YIPF1: variants seen among roughly 807,000 people sequenced by gnomAD.
YIPF1 encodes Yip1 domain family member 1.
YIPF1 carries 22 observed loss-of-function variants against 37.0 expected under a neutral mutation model. That is an observed-to-expected ratio of 0.59 (90% CI 0.42 to 0.85). The LOEUF (loss-of-function observed/expected upper bound fraction) is 0.85. Among genes scored for constraint, YIPF1 ranks in the 40% least tolerant of loss-of-function variants. YIPF1 has a pLI of 0.00. For synonymous variants in YIPF1, 128 were observed against 131.9 expected (o/e 0.97, Z 0.21); for missense variants, 355 against 373.1 (o/e 0.95, Z 0.40).
Position 53,866,613 on chromosome 1 carries a change from GCTTAA to G in YIPF1, c.648+140_648+144del. On this transcript the variant is annotated intron_variant, in intron 8 of 10. Coordinates refer to ENST00000072644, the MANE Select transcript of YIPF1 (RefSeq NM_018982.5). ...ACTAGGCTCCCCAGACCCCTTTCAT[GCTTAA>G]CTTCTAACTTCAAAGGAGATTTTTT... The G allele has an allele frequency of 7.9e-6, 9 of 1,144,260 alleles. No individual in the cohort carries two copies. In the South Asian group the frequency reaches 1.2e-4, roughly 15 times the overall value. The allele number at this position is 1,144,260 out of a possible 1,614,324, so 70.9% of individuals were successfully genotyped here. A position where few individuals can be genotyped will look rare whatever the true frequency, so the allele number is the denominator to read the frequency against.
At chr1:53,875,939 CT>C (rs1273465955) in intron 6 of YIPF1, among the ~76,000 whole-genome samples, 1 of 152,170 alleles carries the variant, frequency 6.6e-6, no homozygotes, top group Non-Finnish European at 1.5e-5. Context: ...ATATATTTTA[CT>C]TTTCTTTGCT....
intron 6 of YIPF1, 45 bp from the exon 7 acceptor site, chr1:53,871,533 A>G (rs763978026): frequency 4.2e-6 from 6 of 1,431,598 alleles, no homozygotes; most frequent in Non-Finnish European, 5.9e-6. Context: ...AATGAAGCAT[A>G]AGCCTTTAGA....
At chr1:53,888,003 G>A (rs1314264491) in intron 3 of YIPF1, among the ~76,000 whole-genome samples, 2 of 152,206 alleles carry the variant, frequency 1.3e-5, no homozygotes, top group Non-Finnish European at 2.9e-5. Context: ...CAAGATGGGT[G>A]GATCACAAGG....
intron 10 of YIPF1, among the ~76,000 whole-genome samples, chr1:53,855,233 G>T (rs993095476): frequency 6.6e-6 from 1 of 151,656 alleles, no homozygotes; most frequent in African/African-American, 2.4e-5. Flanking sequence ...ATCACACTGC[G>T]ATATGATTAT....
At position 53,866,883 on chromosome 1, in the gene YIPF1, C is replaced by G. The variant is rs946365460; in HGVS notation, c.523G>C (p.Val175Leu). Residue 175 changes from valine to leucine, a missense_variant, in exon 8 of 11, where the codon GTT becomes CTT. Val to Leu is a conservative substitution (Grantham distance 32). Transcript: ENST00000072644. Reference protein sequence around the residue: ...ATIIYAYAWLVPLALWGFLMW... With the variant: ...ATIIYAYAWLLPLALWGFLMW... ...AGGAAACCCCAGAGTGCAAGAGGAA[C>G]CAGCCAGGCATAGGCATAGATGATG... 6.2e-7 allele frequency: 1 copy of G among 1,614,028 alleles called. No homozygotes were observed. The highest frequency in any genetic ancestry group is 8.5e-7 in the Non-Finnish European group (1 of 1,179,944).
At chr1:53,870,871 G>C (rs1210107600) in intron 7 of YIPF1, among the ~76,000 whole-genome samples, 3 of 151,874 alleles carry the variant, frequency 2.0e-5, no homozygotes, top group Non-Finnish European at 4.4e-5. Context: ...AATTAGCCAG[G>C]TATGGTGTTG....
At chr1:53,870,842 C>T (rs1650168200) in intron 7 of YIPF1, among the ~76,000 whole-genome samples, 1 of 151,408 alleles carries the variant, frequency 6.6e-6, no homozygotes. Context: ...GGAGACCTAT[C>T]TCTATAAAAA....
At chr1:53,877,153 C>T (rs923841416) in intron 6 of YIPF1, among the ~76,000 whole-genome samples, 2 of 152,110 alleles carry the variant, frequency 1.3e-5, no homozygotes, top group African/African-American at 4.8e-5. Flanking sequence ...CTCTGCCAGG[C>T]ACTAAAGACA....
chr1:53,857,025 G>T (rs904025362), intron 10 of YIPF1, among the ~76,000 whole-genome samples: 1 of 152,136 alleles, frequency 6.6e-6, no homozygotes, highest in African/African-American at 2.4e-5. Context: ...TCCCTTTATG[G>T]CTTTGATGAA....
chr1:53,881,015 A>G (rs1650482709), intron 4 of YIPF1, among the ~76,000 whole-genome samples: 1 of 152,194 alleles, frequency 6.6e-6, no homozygotes, highest in Admixed American at 6.5e-5. Flanking sequence ...CTGTAATCCC[A>G]GCACTTTGGG....
chr1:53,864,592 A>AAAT lies in YIPF1; in HGVS notation c.831+1607_831+1608insATT, dbSNP rs369613523. Among the ~76,000 whole-genome samples, 1,318 of 152,338 alleles carry AAAT rather than the reference A, an allele frequency of 8.7e-3. 22 individuals are homozygous for AAAT. Among genetic ancestry groups the AAAT allele is most frequent in the African/African-American group, 0.03 (1,249 of 41,592 alleles). ...AAAGATCAAATGATGCCAAAGAAACATTTACTCCTAAAATTGCAAAACCTG... is the reference window on the plus strand; with the variant it reads ...AAAGATCAAATGATGCCAAAGAAACAAATTTTACTCCTAAAATTGCAAAACCTG... On this transcript the variant is annotated intron_variant, in intron 9 of 10. Transcript: ENST00000072644.
At chr1:53,861,647 AGGAAGGAAGGGAGGGG>A (rs1649879406) in intron 9 of YIPF1, among the ~76,000 whole-genome samples, 1 of 135,630 alleles carries the variant, frequency 7.4e-6, no homozygotes, top group African/African-American at 2.7e-5. Flanking sequence ...CAGGGAAGGA[AGGAAGGAAGGGAGGGG>A]GGAAGGAAGG....
intron 6 of YIPF1, among the ~76,000 whole-genome samples, 188 bp downstream of exon 6, chr1:53,878,127 C>A (rs1212665973): frequency 6.6e-6 from 1 of 152,224 alleles, no homozygotes; most frequent in Non-Finnish European, 1.5e-5. Context: ...GTAATGATGA[C>A]GTGGCACTAA....
At position 53,860,101 on chromosome 1, in the gene YIPF1, G is replaced by A. The variant is rs755726716; in HGVS notation, c.884C>T (p.Thr295Ile). The A allele has an allele frequency of 6.2e-7, 1 of 1,614,146 alleles. No homozygotes were observed. Among genetic ancestry groups the A allele is most frequent in the Non-Finnish European group, 8.5e-7 (1 of 1,180,000 alleles). ...EMDHLPTTTA[T>I]PNQTVAAAKS... ...GGCTGCAGCAACTGTTTGGTTTGGA[G>A]TAGCTGTAGTTGTTGGGAGATGGTC... Residue 295 changes from threonine to isoleucine, a missense_variant, in exon 10 of 11, where the codon ACT (threonine) becomes ATT (isoleucine). By Grantham distance (89) the Thr-to-Ile change is moderately conservative (BLOSUM62 -1). Coordinates refer to ENST00000072644, the MANE Select transcript of YIPF1 (RefSeq NM_018982.5).
intron 7 of YIPF1, among the ~76,000 whole-genome samples, chr1:53,869,435 T>C (rs1650119400): frequency 6.6e-6 from 1 of 152,220 alleles, no homozygotes; most frequent in Non-Finnish European, 1.5e-5. Context: ...ATTCTTACAA[T>C]AGTCCTGTAA....
At chr1:53,867,417 G>T (rs1650059884) in intron 7 of YIPF1, among the ~76,000 whole-genome samples, 1 of 138,876 alleles carries the variant, frequency 7.2e-6, no homozygotes, top group Non-Finnish European at 1.5e-5. Context: ...CTGTCGCCCA[G>T]GCTGGAGTGC....
intron 4 of YIPF1, among the ~76,000 whole-genome samples, chr1:53,880,782 G>A (rs1236065395): frequency 1.3e-5 from 2 of 152,050 alleles, no homozygotes; most frequent in Non-Finnish European, 2.9e-5. Flanking sequence ...TCTGATCTTC[G>A]AAAAACCTGA....
chr1:53,862,405 T>C (rs1017954652), intron 9 of YIPF1, among the ~76,000 whole-genome samples: 48 of 152,088 alleles, frequency 3.2e-4, no homozygotes, highest in African/African-American at 1.1e-3. Context: ...AGGTTCTCTG[T>C]GAGTAGGGGT....
At chr1:53,855,868 G>C (rs1047875693) in intron 10 of YIPF1, among the ~76,000 whole-genome samples, 5 of 152,222 alleles carry the variant, frequency 3.3e-5, no homozygotes, top group African/African-American at 1.2e-4. Flanking sequence ...GTTCCAGGGA[G>C]AGAAGGGGTT....
Sources: gnomAD v4.1 joint callset for allele counts (sites outside exome capture counted in the v4.1 genomes callset) on GRCh38, gnomAD v4.1.1 for gene constraint, MANE v1.5 for transcripts, NCBI Gene and HGNC (gene_info 2026-07-23, HGNC 2026-07-21) for gene names.